Variants in MBOAT2 observed in about 807,000 individuals in gnomAD.
MBOAT2 encodes membrane bound glycerophospholipid O-acyltransferase 2.
In MBOAT2, 28 loss-of-function variants were observed where a neutral mutation model predicts 63.4. That is an observed-to-expected ratio of 0.44 (90% CI 0.33 to 0.61). The LOEUF (loss-of-function observed/expected upper bound fraction) is 0.61. Ranked by LOEUF, MBOAT2 falls within the 20% of genes least tolerant of loss-of-function variation. The pLI is 0.03. For synonymous variants in MBOAT2, 211 were observed against 215.6 expected, an observed-to-expected ratio of 0.98 and a Z score of 0.19; for missense variants, 470 against 605.8, an observed-to-expected ratio of 0.78 and a Z score of 2.35.
chr2:8,952,754 T>TTA (rs1668932931), intron 2 of MBOAT2, among the ~76,000 whole-genome samples: 1 of 151,324 alleles, frequency 6.6e-6, no homozygotes, highest in African/African-American at 2.4e-5. Context: ...TTTTTTTTTT[T>TTA]ACTGTTGCCG....
chr2:8,889,343 C>A (rs1200170852), intron 4 of MBOAT2, among the ~76,000 whole-genome samples: 1 of 152,212 alleles, frequency 6.6e-6, no homozygotes, highest in Non-Finnish European at 1.5e-5. Context: ...AGACCTGGGC[C>A]CTTGAGAAGC....
chr2:8,914,739 C>G (rs951658203), intron 3 of MBOAT2, among the ~76,000 whole-genome samples: 1 of 152,036 alleles, frequency 6.6e-6, no homozygotes, highest in African/African-American at 2.4e-5. Flanking sequence ...GTGGCTAGCA[C>G]AAACTGAGAT....
chr2:8,855,589 A>T lies in MBOAT2; in HGVS notation c.*3090T>A, dbSNP rs147237683. ...TCACCAGACATTTTTGAAGCCAAAT[A>T]AATCTTCTCTATCCTGCCGGATATT... On this transcript the variant is annotated 3_prime_UTR_variant, in exon 13 of 13. Transcript: ENST00000305997. 7.2e-5 allele frequency: 11 copies of T among 152,346 alleles called. No individual in the cohort carries two copies. The East Asian group carries it at 2.1e-3, about 29-fold the overall frequency. The allele number at this position is 152,346 out of a possible 1,614,324, so 9.4% of individuals were successfully genotyped here. A position where few individuals can be genotyped will look rare whatever the true frequency, so the allele number is the denominator to read the frequency against.
intron 3 of MBOAT2, among the ~76,000 whole-genome samples, chr2:8,928,123 G>A (rs560678376): frequency 2.0e-5 from 3 of 152,188 alleles, no homozygotes; most frequent in Admixed American, 2.0e-4. Context: ...TCAAAGGGAC[G>A]GCGCTAAACC....
Position 8,858,517 on chromosome 2 carries a change from TTCACTCCA to T in MBOAT2, c.*154_*161del, listed in dbSNP as rs1661264088. On this transcript the variant is annotated 3_prime_UTR_variant, in exon 13 of 13. Transcript: ENST00000305997. ...GGAGACATGGCATGGGAGGGCTTGTTTCACTCCATTTCCAATCTGGTGTACAGGAAATT... is the reference window on the plus strand; with the variant it reads ...GGAGACATGGCATGGGAGGGCTTGTTTTTCCAATCTGGTGTACAGGAAATT... 1.7e-6 allele frequency: 1 copy of T among 581,326 alleles called. No homozygotes were observed. The highest frequency in any genetic ancestry group is 2.8e-5 in the East Asian group (1 of 35,722). The allele number at this position is 581,326 out of a possible 1,614,324, so 36.0% of individuals were successfully genotyped here.
intron 1 of MBOAT2, among the ~76,000 whole-genome samples, chr2:8,970,593 T>C (rs1039818776): frequency 1.3e-5 from 2 of 152,158 alleles, no homozygotes; most frequent in East Asian, 3.8e-4. Context: ...AGCTGGTTTT[T>C]TGGAAGATCA....
At chr2:8,967,610 T>A (rs1407558656) in intron 1 of MBOAT2, among the ~76,000 whole-genome samples, 1 of 152,176 alleles carries the variant, frequency 6.6e-6, no homozygotes, top group Non-Finnish European at 1.5e-5. Flanking sequence ...AATATAAACA[T>A]GTGAGATAGC....
rs1572899219 is a variant in MBOAT2 at position 8,858,898 on chromosome 2, C to A, written c.1344G>T (p.Trp448Cys). 27 of 1,596,768 alleles carry A rather than the reference C, an allele frequency of 1.7e-5. No individual in the cohort carries two copies. Among genetic ancestry groups the A allele is most frequent in the Non-Finnish European group, 2.1e-5 (25 of 1,172,500 alleles). The change falls in exon 13 of 13, where the codon TGG becomes TGT. Residue 448 changes from tryptophan to cysteine, a missense_variant. Transcript: ENST00000305997. ...TACCAAGAATGTGCAGGCAATAATA[C>A]CAGGAGCTAAAAGAAAAAGGGAAAA... ...IKPSLTFYSS[W>C]YYCLHILGIL...
intron 2 of MBOAT2, among the ~76,000 whole-genome samples, chr2:8,947,143 A>G (rs978911437): frequency 2.6e-5 from 4 of 152,242 alleles, no homozygotes; most frequent in Admixed American, 2.0e-4. Context: ...AATACAGAGA[A>G]AGTTTAATTG....
At chr2:8,874,437 A>C (rs1203731319) in intron 7 of MBOAT2, among the ~76,000 whole-genome samples, 1 of 152,240 alleles carries the variant, frequency 6.6e-6, no homozygotes, top group Non-Finnish European at 1.5e-5. Flanking sequence ...ATTATAAATG[A>C]AGCAAGGTGA....
At chr2:8,859,807 CAA>C (rs1231337996) in intron 12 of MBOAT2, among the ~76,000 whole-genome samples, 1 of 152,068 alleles carries the variant, frequency 6.6e-6, no homozygotes, top group Non-Finnish European at 1.5e-5. Flanking sequence ...GAATTCGAGA[CAA>C]GACAATTTCT....
Position 8,937,818 on chromosome 2 carries a change from C to G in MBOAT2, c.299+5369G>C, listed in dbSNP as rs191970437. On this transcript the variant is annotated intron_variant, in intron 3 of 12. Coordinates refer to ENST00000305997, the MANE Select transcript of MBOAT2 (RefSeq NM_138799.4). Reference sequence around the variant, plus strand: ...TATTTACTGAGATCATACCATGCGCCAGGCACTCTGCTAGGCCCTGGGGAT... The same window carrying G: ...TATTTACTGAGATCATACCATGCGCGAGGCACTCTGCTAGGCCCTGGGGAT... Among the ~76,000 whole-genome samples the G allele has an allele frequency of 7.7e-4, 118 of 152,296 alleles. No individual in the cohort carries two copies. In the Middle Eastern group the frequency reaches 0.014, roughly 18 times the overall value.
Position 8,856,395 on chromosome 2 carries a change from C to T in MBOAT2, c.*2284G>A, listed in dbSNP as rs1189638946. ...CTTCTTGTTTTCACTTATGACATGC[C>T]TGAACCTGTCTTTTAAATTCTTAAT... On this transcript the variant is annotated 3_prime_UTR_variant, in exon 13 of 13. Transcript: ENST00000305997. This position sits in a 1 kb window ranked among gnomAD's most constrained non-coding sequence, Gnocchi z 4.2. 3 of 151,848 alleles carry T rather than the reference C, an allele frequency of 2.0e-5. No individual in the cohort carries two copies. Among genetic ancestry groups the T allele is most frequent in the Non-Finnish European group, 4.4e-5 (3 of 67,964 alleles). 9.4% of individuals were successfully genotyped at this position (151,848 alleles called of 1,614,324 possible).
At chr2:8,959,948 T>C (rs1403627415) in intron 1 of MBOAT2, among the ~76,000 whole-genome samples, 2 of 152,234 alleles carry the variant, frequency 1.3e-5, no homozygotes, top group East Asian at 3.8e-4. Context: ...ATGTAGCTAT[T>C]TCCATAGACC....
intron 3 of MBOAT2, among the ~76,000 whole-genome samples, chr2:8,913,483 A>C (rs961289287): frequency 1.3e-5 from 2 of 152,318 alleles, no homozygotes; most frequent in African/African-American, 4.8e-5. Flanking sequence ...TCAGTAAGAA[A>C]AAAAACAAAC....
chr2:8,988,601 G>A (rs1671720176), intron 1 of MBOAT2, among the ~76,000 whole-genome samples: 1 of 152,114 alleles, frequency 6.6e-6, no homozygotes, highest in East Asian at 1.9e-4. Context: ...AAGTCATTAA[G>A]AGATTCGATT....
At chr2:8,949,752 AGTTTT>A (rs1224989021) in intron 2 of MBOAT2, among the ~76,000 whole-genome samples, 1 of 152,114 alleles carries the variant, frequency 6.6e-6, no homozygotes, top group Non-Finnish European at 1.5e-5. Flanking sequence ...CTTATAGTAT[AGTTTT>A]AAGTCATGTA....
At chr2:8,990,374 AT>A (rs1454744715) in intron 1 of MBOAT2, among the ~76,000 whole-genome samples, 1 of 152,198 alleles carries the variant, frequency 6.6e-6, no homozygotes, top group Non-Finnish European at 1.5e-5. Flanking sequence ...CCTGCTTTCA[AT>A]AAAATACAAA....
At chr2:8,885,131 C>T (rs1258749823) in intron 5 of MBOAT2, among the ~76,000 whole-genome samples, 1 of 152,190 alleles carries the variant, frequency 6.6e-6, no homozygotes, top group Non-Finnish European at 1.5e-5. Context: ...AATGGCGTAT[C>T]TTCCACTGTT....
Sources: gnomAD v4.1 joint callset for allele counts (sites outside exome capture counted in the v4.1 genomes callset) on GRCh38, gnomAD v4.1.1 for gene constraint, Gnocchi (gnomAD v3.1) non-coding constraint, MANE v1.5 for transcripts, NCBI Gene and HGNC (gene_info 2026-07-23, HGNC 2026-07-21) for gene names.